ITCH: variants seen among roughly 807,000 people sequenced by gnomAD.
ITCH encodes the protein itchy E3 ubiquitin protein ligase.
A neutral mutation model predicts 126.8 loss-of-function variants in ITCH; 28 were observed. The observed-to-expected ratio is 0.22, with a 90% CI of 0.16 to 0.30. ITCH has a LOEUF of 0.30. ITCH is among the 10% of genes least tolerant of loss of function. The pLI is 1.00. For synonymous variants in ITCH, 342 were observed against 340.0 expected, an observed-to-expected ratio of 1.01 and a Z score of -0.06; for missense variants, 631 against 1,032.4, an observed-to-expected ratio of 0.61 and a Z score of 5.33.
At chr20:34,507,673 A>G (rs2146584272) in intron 24 of ITCH, 22 bp from the exon 25 acceptor site, 1 of 1,590,772 alleles carries the variant, frequency 6.3e-7, no homozygotes, top group South Asian at 1.1e-5. Flanking sequence ...CCTTTTCTCA[A>G]ACTAACAATT....
At chr20:34,480,827 T>G (rs1329273984) in intron 19 of ITCH, 95 bp downstream of exon 19, 1 of 1,093,118 alleles carries the variant, frequency 9.1e-7, no homozygotes, top group Non-Finnish European at 1.3e-6. Flanking sequence ...CATAATTGGT[T>G]TATTGTATTT....
In ITCH at chr20:34,508,443, G is replaced by C. The variant is rs1978394661; in HGVS notation, c.*649G>C. On this transcript the variant is annotated 3_prime_UTR_variant, in exon 25 of 25. Coordinates refer to ENST00000374864, the MANE Select transcript of ITCH (RefSeq NM_031483.7). ...TGCAAATGACTTCATTTGGAAGTCT[G>C]ATTGTTTCAGTTGCCTGACAAATAC... The C allele has an allele frequency of 6.4e-6, 1 of 156,928 alleles. No individual in the cohort carries two copies. The highest frequency in any genetic ancestry group is 1.4e-5 in the Non-Finnish European group (1 of 70,482). The allele number at this position is 156,928 out of a possible 1,614,324, so 9.7% of individuals were successfully genotyped here. A position where few individuals can be genotyped will look rare whatever the true frequency, so the allele number is the denominator to read the frequency against.
intron 20 of ITCH, among the ~76,000 whole-genome samples, chr20:34,487,956 A>G (rs1989246256): frequency 6.6e-6 from 1 of 152,208 alleles, no homozygotes; most frequent in Non-Finnish European, 1.5e-5. Context: ...AAAGAAAAGA[A>G]GCTCATAATA....
chr20:34,497,082 C>T (rs972524552), intron 23 of ITCH, among the ~76,000 whole-genome samples: 8 of 151,674 alleles, frequency 5.3e-5, no homozygotes, highest in Non-Finnish European at 7.4e-5. Flanking sequence ...CCACAACCTC[C>T]GCCTCCCAGG....
intron 16 of ITCH, among the ~76,000 whole-genome samples, chr20:34,475,470 C>T (rs1988111258): frequency 1.3e-5 from 2 of 152,208 alleles, no homozygotes; most frequent in Non-Finnish European, 2.9e-5. Context: ...CCGGCCAACA[C>T]ATCGAAATCC....
chr20:34,378,498 G>GT (rs1568862308), intron 2 of ITCH, among the ~76,000 whole-genome samples: 2 of 119,284 alleles, frequency 1.7e-5, no homozygotes, highest in African/African-American at 6.2e-5. Flanking sequence ...AAAAAAAGAT[G>GT]TAAAAAAAAA....
At chr20:34,465,622 C>A (rs183673084) in intron 14 of ITCH, among the ~76,000 whole-genome samples, 1 of 151,966 alleles carries the variant, frequency 6.6e-6, no homozygotes, top group Non-Finnish European at 1.5e-5. Flanking sequence ...GTGTACGAGT[C>A]TTTTGCCTTC....
intron 2 of ITCH, among the ~76,000 whole-genome samples, chr20:34,391,939 GC>G (rs2038504305): frequency 6.6e-6 from 1 of 152,010 alleles, no homozygotes; most frequent in Non-Finnish European, 1.5e-5. Context: ...TACTATTAGG[GC>G]ATTTTCTTGC....
intron 13 of ITCH, 78 bp from the exon 14 acceptor site, chr20:34,462,015 T>C: frequency 7.2e-7 from 1 of 1,396,484 alleles, no homozygotes; most frequent in Non-Finnish European, 1.0e-6. Flanking sequence ...CTATGTTTAT[T>C]GACATTTGTA....
intron 6 of ITCH, among the ~76,000 whole-genome samples, chr20:34,418,338 G>C (rs1012948102): frequency 1.3e-5 from 2 of 152,014 alleles, no homozygotes; most frequent in Non-Finnish European, 2.9e-5. Flanking sequence ...GTATACTCTG[G>C]ATGTGTTTAA....
At chr20:34,399,806 A>G (rs975469489) in intron 3 of ITCH, among the ~76,000 whole-genome samples, 3 of 151,620 alleles carry the variant, frequency 2.0e-5, no homozygotes, top group African/African-American at 4.8e-5. Flanking sequence ...GCACCCCTAC[A>G]CTCCAGTGGC....
chr20:34,500,820 C>A (rs946074810), intron 23 of ITCH, among the ~76,000 whole-genome samples: 7 of 151,766 alleles, frequency 4.6e-5, no homozygotes, highest in Admixed American at 6.6e-5. Flanking sequence ...TTCTTTTTTC[C>A]CTTAGTGTAT....
At chr20:34,477,309 T>A (rs1440994205) in intron 16 of ITCH, among the ~76,000 whole-genome samples, 1 of 152,194 alleles carries the variant, frequency 6.6e-6, no homozygotes, top group Non-Finnish European at 1.5e-5. Flanking sequence ...GGCCGGTGGA[T>A]CACCTGAGGT....
intron 23 of ITCH, among the ~76,000 whole-genome samples, chr20:34,501,777 C>CAA (rs11480340): frequency 0.012 from 1,241 of 104,346 alleles, 25 homozygotes; most frequent in East Asian, 0.097. Flanking sequence ...CTCCATCTCT[C>CAA]AAAAAAAAAA....
intron 13 of ITCH, among the ~76,000 whole-genome samples, chr20:34,460,373 T>A (rs77426169): frequency 6.7e-6 from 1 of 150,274 alleles, no homozygotes; most frequent in Non-Finnish European, 1.5e-5. Context: ...TTTTTTTTTT[T>A]GGGTAGAGAC....
intron 3 of ITCH, chr20:34,402,086 A>C: frequency 1.3e-6 from 1 of 788,004 alleles, no homozygotes; most frequent in Non-Finnish European, 2.2e-6. Context: ...AGTTTGACTT[A>C]AACATTGCTT....
chr20:34,400,101 G>C (rs760771311), intron 3 of ITCH, among the ~76,000 whole-genome samples: 37 of 151,948 alleles, frequency 2.4e-4, no homozygotes, highest in Non-Finnish European at 8.8e-5. Context: ...ACCAAGCCCA[G>C]CTGATTTTTG....
chr20:34,466,186 T>C (rs922450934), intron 14 of ITCH: 44 of 280,414 alleles, frequency 1.6e-4, no homozygotes, highest in Non-Finnish European at 2.4e-4. Context: ...TGTGATTTTT[T>C]CCCCCCCTCA....
At chr20:34,453,588 C>T (rs1985510606) in intron 12 of ITCH, among the ~76,000 whole-genome samples, 1 of 152,052 alleles carries the variant, frequency 6.6e-6, no homozygotes. Context: ...CAGAGTGATA[C>T]TCTTTCAAAA....
Sources: allele counts gnomAD v4.1 joint callset (sites outside exome capture counted in the v4.1 genomes callset), GRCh38; gene constraint gnomAD v4.1.1; transcripts MANE v1.5; gene names NCBI Gene and HGNC (gene_info 2026-07-23, HGNC 2026-07-21).